Variants in CHST9 observed in about 807,000 individuals in gnomAD.
The protein encoded by CHST9 is GalNAc-4-sulfotransferase 2.
A neutral mutation model predicts 44.4 loss-of-function variants in CHST9; 41 were observed. The ratio of observed to expected loss-of-function variants is 0.92; its 90% CI spans 0.72 to 1.20. CHST9 has a LOEUF of 1.20. Among genes scored for constraint, CHST9 ranks in the 50% most tolerant of loss-of-function variants. CHST9 has a pLI of 0.00. For synonymous variants in CHST9, 171 were observed against 178.4 expected (o/e 0.96, Z 0.33); for missense variants, 504 against 516.5 (o/e 0.98, Z 0.23).
chr18:27,118,370 G>A (rs991468698), intron 2 of CHST9, among the ~76,000 whole-genome samples: 2 of 151,838 alleles, frequency 1.3e-5, no homozygotes, highest in African/African-American at 4.8e-5. Context: ...ATTGTCTTAT[G>A]CAGAACAGTT....
chr18:27,120,664 CA>C (rs2058366936), intron 2 of CHST9, among the ~76,000 whole-genome samples: 1 of 152,120 alleles, frequency 6.6e-6, no homozygotes, highest in Admixed American at 6.5e-5. Flanking sequence ...TGCCTTTGGG[CA>C]AATTATTTAT....
chr18:27,058,765 A>C (rs2057687589), intron 2 of CHST9, among the ~76,000 whole-genome samples: 1 of 152,142 alleles, frequency 6.6e-6, no homozygotes, highest in South Asian at 2.1e-4. Flanking sequence ...ACCTCAGCAA[A>C]CGCCATGTGG....
At chr18:27,171,347 C>G (rs767157017) in intron 1 of CHST9, among the ~76,000 whole-genome samples, 13 of 152,100 alleles carry the variant, frequency 8.5e-5, no homozygotes, top group Non-Finnish European at 1.6e-4. Flanking sequence ...TTACATGAGT[C>G]CTCCTAGAAG....
intron 4 of CHST9, among the ~76,000 whole-genome samples, chr18:27,012,808 T>G (rs2057101177): frequency 6.6e-6 from 1 of 152,212 alleles, no homozygotes; most frequent in Non-Finnish European, 1.5e-5. Context: ...TAATTATAAG[T>G]CAATTTAATT....
At chr18:27,163,440 C>T (rs1458023327) in intron 1 of CHST9, among the ~76,000 whole-genome samples, 1 of 152,196 alleles carries the variant, frequency 6.6e-6, no homozygotes, top group Non-Finnish European at 1.5e-5. Context: ...GGCAGGCCTC[C>T]TTGAGCTGCA....
At chr18:26,991,780 G>C (rs74625580) in intron 4 of CHST9, among the ~76,000 whole-genome samples, 1,396 of 127,238 alleles carry the variant, frequency 0.011, 354 homozygotes, top group Middle Eastern at 0.031. Context: ...TGATGAAGAC[G>C]AGGACTAAGA....
Position 27,053,269 on chromosome 18 carries a change from A to G in CHST9, c.122-4766T>C, listed in dbSNP as rs1365897924. 1.0e-4 allele frequency among the ~76,000 whole-genome samples: 12 copies of G among 114,342 alleles called. 1 individual carries two copies. Among genetic ancestry groups the G allele is most frequent in the African/African-American group, 3.4e-4 (10 of 29,034 alleles). The allele number at this position is 114,342 out of a possible 152,430, so 75.0% of individuals were successfully genotyped here. ...AAGAAGAAGAAGAAGAAGGAGAAGG[A>G]GAAGGAGAAGGAGAAGGAGAAGGAG... On this transcript the variant is annotated intron_variant, in intron 2 of 5. Coordinates refer to ENST00000618847, the MANE Select transcript of CHST9 (RefSeq NM_031422.6).
chr18:26,939,935 T>C (rs9948442), intron 5 of CHST9, among the ~76,000 whole-genome samples: 5,922 of 152,066 alleles, frequency 0.039, 357 homozygotes, highest in African/African-American at 0.13. Context: ...ACCCACTCCA[T>C]ACCCCCTCCC....
chr18:27,082,351 T>C (rs560160735), intron 2 of CHST9, among the ~76,000 whole-genome samples: 42 of 152,352 alleles, frequency 2.8e-4, no homozygotes, highest in African/African-American at 9.9e-4. Context: ...TATTGATTTA[T>C]CTAAAGAACA....
chr18:26,943,358 T>A (rs890813708), intron 5 of CHST9, among the ~76,000 whole-genome samples: 1 of 152,158 alleles, frequency 6.6e-6, no homozygotes, highest in Admixed American at 6.5e-5. Flanking sequence ...CTGGCACAGA[T>A]TGGGTAAAAC....
chr18:27,055,926 CTT>C (rs1568152653), intron 2 of CHST9, among the ~76,000 whole-genome samples: 1 of 136,556 alleles, frequency 7.3e-6, no homozygotes, highest in African/African-American at 2.6e-5. Context: ...CTTCTCACCT[CTT>C]CTCTCTTTCG....
chr18:27,115,431 C>T, intron 2 of CHST9, among the ~76,000 whole-genome samples: 1 of 152,180 alleles, frequency 6.6e-6, no homozygotes, highest in Non-Finnish European at 1.5e-5. Context: ...TTGGAAGAAC[C>T]ATCAGACTTT....
chr18:26,998,425 TATAAAC>T (rs1476195506), intron 4 of CHST9, among the ~76,000 whole-genome samples: 2 of 151,578 alleles, frequency 1.3e-5, no homozygotes, highest in African/African-American at 4.8e-5. Flanking sequence ...TTAATGAGAG[TATAAAC>T]ATATCCAGAT....
intron 1 of CHST9, among the ~76,000 whole-genome samples, chr18:27,159,380 T>G (rs1383863498): frequency 1.2e-4 from 18 of 152,156 alleles, no homozygotes; most frequent in African/African-American, 3.4e-4. Context: ...TTTCCCCATT[T>G]CTTGTTTTTG....
chr18:26,946,318 G>A (rs984114077), intron 4 of CHST9, among the ~76,000 whole-genome samples: 3 of 152,136 alleles, frequency 2.0e-5, no homozygotes, highest in African/African-American at 4.8e-5. Context: ...CCAAGAAGAG[G>A]GGGGAGAACT....
intron 1 of CHST9, among the ~76,000 whole-genome samples, chr18:27,169,319 A>G (rs1051488181): frequency 2.0e-5 from 3 of 152,206 alleles, no homozygotes; most frequent in African/African-American, 7.2e-5. Flanking sequence ...GATGATCACT[A>G]CACTTTGATT....
chr18:27,143,369 G>T (rs146554976), intron 1 of CHST9, among the ~76,000 whole-genome samples: 71 of 152,176 alleles, frequency 4.7e-4, no homozygotes, highest in African/African-American at 1.6e-3. Context: ...TAAAGTAACA[G>T]ATTTCTCCAA....
intron 4 of CHST9, among the ~76,000 whole-genome samples, chr18:27,000,893 ACCC>A (rs548086629): frequency 6.6e-6 from 1 of 151,608 alleles, no homozygotes; most frequent in Non-Finnish European, 1.5e-5. Context: ...CTCAAGATTC[ACCC>A]CCCCATCTCT....
chr18:27,032,510 C>T (rs1000463625), intron 3 of CHST9, among the ~76,000 whole-genome samples: 1 of 152,238 alleles, frequency 6.6e-6, no homozygotes, highest in Admixed American at 6.5e-5. Flanking sequence ...GTCCTTCCCT[C>T]TCTTCCTTCT....
Sources: gnomAD v4.1 joint callset for allele counts (sites outside exome capture counted in the v4.1 genomes callset) on GRCh38, gnomAD v4.1.1 for gene constraint, MANE v1.5 for transcripts, NCBI Gene and HGNC (gene_info 2026-07-23, HGNC 2026-07-21) for gene names.